The following PITPNC1 variants were observed in gnomAD, a reference collection of about 807,000 sequenced individuals.
PITPNC1 encodes the protein phosphatidylinositol transfer protein cytoplasmic 1.
PITPNC1 carries 18 observed loss-of-function variants against 44.7 expected under a neutral mutation model. That is an observed-to-expected ratio of 0.40 (90% CI 0.28 to 0.60). The LOEUF (loss-of-function observed/expected upper bound fraction) is 0.60. Among genes scored for constraint, PITPNC1 ranks in the 20% least tolerant of loss-of-function variants. The pLI, the probability that PITPNC1 is intolerant of heterozygous loss-of-function variation, is 0.39. For missense variants in PITPNC1, 290 were observed against 418.4 expected, an observed-to-expected ratio of 0.69 and a Z score of 2.68; for synonymous variants, 141 against 149.6, an observed-to-expected ratio of 0.94 and a Z score of 0.42.
chr17:67,477,293 C>T (rs931977387), intron 1 of PITPNC1, among the ~76,000 whole-genome samples: 1 of 139,640 alleles, frequency 7.2e-6, no homozygotes, highest in African/African-American at 2.7e-5. Flanking sequence ...ATTGCCCAGG[C>T]TGGAGTGCAA....
rs2041625959 is a variant in PITPNC1, at chr17:67,607,681, C to A, written c.367-24462C>A. ...ATCATTTCCCCCAACCCCCCAGAAC[C>A]CTTTGAGAGTCATATACAGACATCA... On this transcript the variant is annotated intron_variant, in intron 5 of 8. Coordinates refer to ENST00000581322, the MANE Select transcript of PITPNC1 (RefSeq NM_012417.4). Among the ~76,000 whole-genome samples the A allele has an allele frequency of 2.6e-5, 4 of 151,954 alleles. No homozygotes were observed. The South Asian group carries it at 8.3e-4, about 32-fold the overall frequency.
chr17:67,438,579 G>C lies in PITPNC1; in HGVS notation c.48+60377G>C, dbSNP rs1011155334. Among the ~76,000 whole-genome samples the C allele has an allele frequency of 2.6e-5, 4 of 152,328 alleles. No individual in the cohort carries two copies. The East Asian group carries it at 5.8e-4, about 22-fold the overall frequency. On this transcript the variant is annotated intron_variant, in intron 1 of 8. Coordinates refer to ENST00000581322, the MANE Select transcript of PITPNC1 (RefSeq NM_012417.4). ...AATCTGCCTGCCTCGGCCTCCTAAA[G>C]TGTTGGGATTACAGGCGTGAGCCAC... is the stretch of plus-strand genomic sequence containing the variant.
At chr17:67,392,966 A>G (rs1359615546) in intron 1 of PITPNC1, among the ~76,000 whole-genome samples, 1 of 151,964 alleles carries the variant, frequency 6.6e-6, no homozygotes, top group African/African-American at 2.4e-5. Context: ...CATCTCTACT[A>G]AAAATACAGA....
At chr17:67,469,424 C>T (rs1204748832) in intron 1 of PITPNC1, among the ~76,000 whole-genome samples, 1 of 152,156 alleles carries the variant, frequency 6.6e-6, no homozygotes, top group Non-Finnish European at 1.5e-5. Context: ...ATCTGCAGCC[C>T]CCGCCCAGCT....
chr17:67,647,245 C>A (rs1047184751), intron 6 of PITPNC1, among the ~76,000 whole-genome samples: 4 of 151,970 alleles, frequency 2.6e-5, no homozygotes, highest in Admixed American at 1.3e-4. Flanking sequence ...GTAAAAAAAA[C>A]CAAAAACTAA....
At chr17:67,531,394 G>A (rs961221952) in intron 1 of PITPNC1, among the ~76,000 whole-genome samples, 3 of 152,164 alleles carry the variant, frequency 2.0e-5, no homozygotes, top group Non-Finnish European at 4.4e-5. Context: ...TCATGTGACC[G>A]TTCTGGAGAG....
intron 1 of PITPNC1, among the ~76,000 whole-genome samples, chr17:67,481,139 G>A (rs1484763894): frequency 2.0e-5 from 3 of 152,350 alleles, no homozygotes; most frequent in Admixed American, 1.3e-4. Context: ...CCCAGGAGGC[G>A]GAGGTTGCAG....
chr17:67,669,638 C>A lies in PITPNC1; in HGVS notation c.593C>A (p.Thr198Asn). Residue 198 changes from threonine to asparagine, a missense_variant, in exon 7 of 9, where the codon ACC becomes AAC. Physicochemically the swap from Thr to Asn is moderately conservative, Grantham distance 65 (BLOSUM62 0). Coordinates refer to ENST00000581322, the MANE Select transcript of PITPNC1 (RefSeq NM_012417.4). ...AAGTTTGAGGTCTGGGGGCTTCAGA[C>A]CAGAGTGGAACAATTTGTACACAAG... ...TVKFEVWGLQ[T>N]RVEQFVHKVV... The A allele has an allele frequency of 6.3e-7, 1 of 1,599,406 alleles. No individual in the cohort carries two copies. The highest frequency in any genetic ancestry group is 2.3e-5 in the East Asian group (1 of 44,444).
chr17:67,465,127 C>A (rs764257939), intron 1 of PITPNC1, among the ~76,000 whole-genome samples: 14 of 152,166 alleles, frequency 9.2e-5, no homozygotes, highest in Non-Finnish European at 2.1e-4. Context: ...GTGTGTGTTG[C>A]ATTCTGTGTC....
chr17:67,564,157 T>TTGGG (rs1371876730), intron 4 of PITPNC1, among the ~76,000 whole-genome samples: 1 of 114,766 alleles, frequency 8.7e-6, no homozygotes, highest in African/African-American at 3.0e-5. Flanking sequence ...GATAGGTAGA[T>TTGGG]TGGGTGGATG....
chr17:67,619,955 G>T (rs1210135878), intron 5 of PITPNC1, among the ~76,000 whole-genome samples: 3 of 152,098 alleles, frequency 2.0e-5, no homozygotes, highest in Non-Finnish European at 4.4e-5. Context: ...AAACAGCCTG[G>T]AAGTGTCACC....
intron 2 of PITPNC1, among the ~76,000 whole-genome samples, chr17:67,551,534 C>G (rs533619086): frequency 6.6e-6 from 1 of 152,294 alleles, no homozygotes; most frequent in African/African-American, 2.4e-5. Flanking sequence ...ATGGCTGTCC[C>G]CTCGGTGTGT....
At chr17:67,513,945 G>A (rs1338460623) in intron 1 of PITPNC1, among the ~76,000 whole-genome samples, 2 of 151,910 alleles carry the variant, frequency 1.3e-5, no homozygotes, top group Non-Finnish European at 2.9e-5. Context: ...AGGGGATTGT[G>A]CACAATTCTG....
chr17:67,466,197 T>TGGGGGGG (rs146770264), intron 1 of PITPNC1, among the ~76,000 whole-genome samples: 1 of 59,146 alleles, frequency 1.7e-5, no homozygotes. Flanking sequence ...GATGGTGGGG[T>TGGGGGGG]GGGGGGGTGG....
At chr17:67,406,758 T>G (rs1232724682) in intron 1 of PITPNC1, among the ~76,000 whole-genome samples, 1 of 151,918 alleles carries the variant, frequency 6.6e-6, no homozygotes, top group Non-Finnish European at 1.5e-5. Context: ...GGCTAATTTT[T>G]GTATTTTTAG....
intron 1 of PITPNC1, among the ~76,000 whole-genome samples, chr17:67,518,121 G>T (rs35476795): frequency 6.6e-6 from 1 of 152,064 alleles, no homozygotes; most frequent in Non-Finnish European, 1.5e-5. Flanking sequence ...CTTCTATGTT[G>T]TGATTCTGTA....
At chr17:67,568,726 C>T (rs1476360470) in intron 4 of PITPNC1, among the ~76,000 whole-genome samples, 1 of 152,004 alleles carries the variant, frequency 6.6e-6, no homozygotes, top group African/African-American at 2.4e-5. Context: ...CCAGAATATA[C>T]CAGCTTACTG....
At chr17:67,532,974 T>C in intron 2 of PITPNC1, 24 bp downstream of exon 2, 1 of 1,590,180 alleles carries the variant, frequency 6.3e-7, no homozygotes, top group Non-Finnish European at 8.6e-7. Flanking sequence ...GCCTGCGTTC[T>C]GCACAGAAGC....
chr17:67,463,371 A>T (rs962667834), intron 1 of PITPNC1, among the ~76,000 whole-genome samples: 1 of 152,170 alleles, frequency 6.6e-6, no homozygotes, highest in African/African-American at 2.4e-5. Context: ...ATATATTTTC[A>T]TACATGCAGT....
Sources: gnomAD v4.1 joint callset for allele counts (sites outside exome capture counted in the v4.1 genomes callset) on GRCh38, gnomAD v4.1.1 for gene constraint, MANE v1.5 for transcripts, NCBI Gene and HGNC (gene_info 2026-07-23, HGNC 2026-07-21) for gene names.